LY6S: variants seen among roughly 807,000 people sequenced by gnomAD.
The protein encoded by LY6S is lymphocyte antigen 6S.
chr8:143,046,308 T>G, the LY6S span, among the ~76,000 whole-genome samples: 2 of 152,138 alleles, frequency 1.3e-5, no homozygotes, highest in Non-Finnish European at 2.9e-5. Context: ...CCAGGCACGG[T>G]GGCTCACGCC....
the LY6S span, among the ~76,000 whole-genome samples, chr8:143,054,520 A>G: frequency 6.6e-6 from 1 of 152,158 alleles, no homozygotes; most frequent in East Asian, 1.9e-4. Flanking sequence ...TTTTACCACT[A>G]TAATGAAAAA....
chr8:143,052,064 G>A, the LY6S span, among the ~76,000 whole-genome samples: 2 of 151,916 alleles, frequency 1.3e-5, no homozygotes, highest in African/African-American at 2.4e-5. Flanking sequence ...GGCAGATCAC[G>A]AGGTCAGGAG....
the LY6S span, among the ~76,000 whole-genome samples, chr8:143,058,114 C>G: frequency 1.3e-5 from 2 of 152,200 alleles, no homozygotes; most frequent in Non-Finnish European, 2.9e-5. Flanking sequence ...GATGAGGGTT[C>G]TGAGGATGCA....
chr8:143,057,731 A>G, the LY6S span: 1 of 792,038 alleles, frequency 1.3e-6, no homozygotes, highest in Non-Finnish European at 2.3e-6. Flanking sequence ...GGGCACATTC[A>G]GCTTAATCAC....
At chr8:143,068,439 G>C in the LY6S span, among the ~76,000 whole-genome samples, 19 of 151,996 alleles carry the variant, frequency 1.3e-4, no homozygotes, top group African/African-American at 4.6e-4. Flanking sequence ...AATCTGATCT[G>C]TCTTTCTTTT....
the LY6S span, among the ~76,000 whole-genome samples, chr8:143,075,961 T>C: frequency 1.3e-5 from 2 of 152,180 alleles, no homozygotes; most frequent in Non-Finnish European, 2.9e-5. This position sits in a 1 kb window ranked among gnomAD's most constrained non-coding sequence, Gnocchi z 4.1. Context: ...TCAGAGAATA[T>C]TGTCAGTGTG....
At chr8:143,043,249 C>A in the LY6S span, 1 of 1,364,830 alleles carries the variant, frequency 7.3e-7, no homozygotes, top group Non-Finnish European at 9.8e-7. Context: ...ATCTGGGAGT[C>A]CACAACGGCA....
At chr8:143,051,341 G>A in the LY6S span, among the ~76,000 whole-genome samples, 1 of 152,126 alleles carries the variant, frequency 6.6e-6, no homozygotes, top group Admixed American at 6.5e-5. Context: ...AGGAGTTCGA[G>A]ACCAGCCTAG....
chr8:143,044,646 CA>C, the LY6S span: 99 of 1,360,354 alleles, frequency 7.3e-5, no homozygotes, highest in African/African-American at 1.3e-3. Flanking sequence ...CCTCCCTCCC[CA>C]GAACCTGCCC....
chr8:143,065,783 T>TTCTCTTTCTTTCTTTCTCTTTC, the LY6S span: 2 of 115,224 alleles, frequency 1.7e-5, no homozygotes, highest in Admixed American at 1.8e-4. Flanking sequence ...CTTTCTTTCT[T>TTCTCTTTCTTTCTTTCTCTTTC]TTTCTTTCTT....
chr8:143,070,980 G>A, the LY6S span, among the ~76,000 whole-genome samples: 1 of 151,642 alleles, frequency 6.6e-6, no homozygotes. Flanking sequence ...GAGTGTGGTG[G>A]GGAAAGGAAG....
the LY6S span, among the ~76,000 whole-genome samples, chr8:143,071,041 T>C: frequency 6.7e-6 from 1 of 149,126 alleles, no homozygotes; most frequent in African/African-American, 2.5e-5. Flanking sequence ...TGTTTTTACA[T>C]GTGATGGAAT....
chr8:143,061,501 T>TTTGTTTGGTTGG, the LY6S span, among the ~76,000 whole-genome samples: 1 of 148,878 alleles, frequency 6.7e-6, no homozygotes, highest in African/African-American at 2.6e-5. Flanking sequence ...GGTTTGTTTG[T>TTTGTTTGGTTGG]TTGGTTGGTT....
chr8:143,065,804 T>TTTCTTTCTTTCTTTCTTTCC, the LY6S span: 9 of 139,380 alleles, frequency 6.5e-5, no homozygotes, highest in Non-Finnish European at 1.2e-4. Flanking sequence ...TCTTTCTTTC[T>TTTCTTTCTTTCTTTCTTTCC]TTCTTTCTTT....
chr8:143,064,344 T>A, the LY6S span, among the ~76,000 whole-genome samples: 8 of 152,228 alleles, frequency 5.3e-5, no homozygotes, highest in African/African-American at 1.9e-4. Context: ...AGAGAAAACC[T>A]AAATATTTCA....
the LY6S span, among the ~76,000 whole-genome samples, chr8:143,064,705 C>T: frequency 2.0e-5 from 3 of 152,162 alleles, no homozygotes; most frequent in Admixed American, 1.3e-4. Context: ...TCCAGTACTG[C>T]AAACCATTTA....
chr8:143,061,497 TTTGTTTGG>T, the LY6S span, among the ~76,000 whole-genome samples: 1,699 of 147,448 alleles, frequency 0.012, 28 homozygotes, highest in African/African-American at 0.042. Context: ...CTTAGGTTTG[TTTGTTTGG>T]TTGGTTGGTT....
the LY6S span, chr8:143,057,874 T>C: frequency 3.0e-6 from 2 of 659,008 alleles, no homozygotes; most frequent in East Asian, 2.7e-5. Flanking sequence ...TCGGGTGCCA[T>C]ATGAGAGATT....
At chr8:143,063,110 A>G in the LY6S span, among the ~76,000 whole-genome samples, 2 of 152,210 alleles carry the variant, frequency 1.3e-5, no homozygotes, top group African/African-American at 4.8e-5. Flanking sequence ...AAGCTTATGC[A>G]AAACATGAAG....
Sources: gnomAD v4.1 joint callset for allele counts (sites outside exome capture counted in the v4.1 genomes callset) on GRCh38, gnomAD v4.1.1 for gene constraint, Gnocchi (gnomAD v3.1) non-coding constraint, MANE v1.5 for transcripts, NCBI Gene and HGNC (gene_info 2026-07-23, HGNC 2026-07-21) for gene names.